The following SRCAP variants were observed in gnomAD, a reference collection of about 807,000 sequenced individuals.
SRCAP encodes Snf2 related CREBBP activator protein.
Under a neutral mutation model 263.1 loss-of-function variants are expected in SRCAP, and 46 were observed. The ratio of observed to expected loss-of-function variants is 0.17; its 90% confidence interval spans 0.14 to 0.22. SRCAP has a LOEUF of 0.22. Ranked by LOEUF, SRCAP falls within the 10% of genes least tolerant of loss-of-function variation. The probability of loss-of-function intolerance (pLI) is 1.00; values close to 1 mark genes in which losing one functional copy is unlikely to be tolerated. For synonymous variants in SRCAP, 1,813 were observed against 1,662.1 expected (o/e 1.09, Z -2.21); for missense variants, 3,695 against 4,181.9 (o/e 0.88, Z 3.21).
Position 30,738,638 on chromosome 16 carries a change from G to T in SRCAP, c.8598G>T (p.Lys2866Asn). ...VKRRRGRPPK[K>N]NRSPADAGRG... ...GTCGGAGGGGGAGGCCCCCCAAGAA[G>T]AACAGGTCTCCAGCAGATGCTGGGA... is the stretch of plus-strand genomic sequence containing the variant. The change falls in exon 34 of 34, where the codon AAG becomes AAT. Residue 2866 changes from lysine to asparagine, a missense_variant. Lys to Asn is a moderately conservative substitution (Grantham distance 94, BLOSUM62 0). Around this residue, in one of 12 missense-constraint regions of SRCAP, gnomAD observed 1,207 missense variants for 1,142.9 expected, o/e 1.06. Coordinates refer to ENST00000262518, the MANE Select transcript of SRCAP (RefSeq NM_006662.3). The T allele has an allele frequency of 1.2e-6, 2 of 1,608,698 alleles. No homozygotes were observed. Among genetic ancestry groups the T allele is most frequent in the Non-Finnish European group, 1.7e-6 (2 of 1,177,530 alleles).
At chr16:30,729,298 C>A in intron 26 of SRCAP, 67 bp downstream of exon 26, 1 of 1,603,392 alleles carries the variant, frequency 6.2e-7, no homozygotes, top group South Asian at 1.1e-5. Context: ...GTGCTTAGGG[C>A]TGGTGAAGGT....
chr16:30,708,737 C>G (rs2052854790), intron 6 of SRCAP, among the ~76,000 whole-genome samples: 1 of 152,168 alleles, frequency 6.6e-6, no homozygotes, highest in East Asian at 1.9e-4. Flanking sequence ...TGTTACATAC[C>G]AAGCTGATCT....
chr16:30,733,829 C>A lies in SRCAP; in HGVS notation c.6494+31C>A, dbSNP rs746280301. 21 of 1,611,380 alleles carry A rather than the reference C, an allele frequency of 1.3e-5. No individual in the cohort carries two copies. The Admixed American group carries it at 3.2e-4, about 24-fold the overall frequency. On this transcript the variant is annotated intron_variant, in intron 29 of 33. Transcript: ENST00000262518. The surrounding 1 kb of genome is among the most constrained non-coding windows in gnomAD (Gnocchi z 5.3). ...GCCTAGTCTTCCCTCACCTTACTTT[C>A]CGTTTACTGATGGGGTTTCCTGGAT...
chr16:30,737,098 T>A lies in SRCAP; in HGVS notation c.7058T>A (p.Val2353Glu). 6.2e-7 allele frequency: 1 copy of A among 1,610,164 alleles called. No individual in the cohort carries two copies. The highest frequency in any genetic ancestry group is 8.5e-7 in the Non-Finnish European group (1 of 1,177,810). Residue 2353 changes from valine to glutamate, a missense_variant, in exon 34 of 34, where the codon GTG (valine) becomes GAG (glutamate). By Grantham distance (121) the Val-to-Glu change is moderately radical. This residue lies in a region of SRCAP where 91 missense variants were observed against 150.6 expected (regional missense o/e 0.60). Transcript: ENST00000262518. The stretch of plus-strand genomic sequence containing the variant: ...GACCTGGACCAAGCCAAGGAGGAGG[T>A]GTTCCGCCTACCCCAAGAGGAGGAG... ...RKDLDQAKEE[V>E]FRLPQEEEEG...
chr16:30,719,771 C>G (rs2052991919), intron 18 of SRCAP, among the ~76,000 whole-genome samples: 1 of 152,206 alleles, frequency 6.6e-6, no homozygotes, highest in Non-Finnish European at 1.5e-5. Flanking sequence ...ATCTTGGCCT[C>G]CCAGAGAGCT....
At position 30,725,321 on chromosome 16, in the gene SRCAP, T is replaced by A. The variant is rs185220385; in HGVS notation, c.5658+239T>A. On this transcript the variant is annotated intron_variant, in intron 25 of 33. Transcript: ENST00000262518. The stretch of plus-strand genomic sequence containing the variant: ...CAGGGGTGAGCCACCACGCCCGGCC[T>A]CTTTTCCCGTTTTTTAACCCGCACG... 4.5e-5 allele frequency: 32 copies of A among 717,460 alleles called. No homozygotes were observed. In the African/African-American group the frequency reaches 5.1e-4, roughly 11 times the overall value. 44.4% of individuals were successfully genotyped at this position (717,460 alleles called of 1,614,324 possible).
rs934140464 is a variant in SRCAP, at chr16:30,737,059, A to C, written c.7019A>C (p.Glu2340Ala). The C allele has an allele frequency of 6.3e-7, 1 of 1,587,694 alleles. No homozygotes were observed. The highest frequency in any genetic ancestry group is 1.3e-5 in the African/African-American group (1 of 74,384). ...ACCCTGTTGTTGTAGGAGCAAGTGG[A>C]AGCTGCCCGCAAAGACCTGGACCAA... Reference protein sequence around the residue: ...EELKQAEEQVEAARKDLDQAK... With the variant: ...EELKQAEEQVAAARKDLDQAK... Residue 2340 changes from glutamate (E) to alanine (A), a missense_variant, in exon 34 of 34, where the codon GAA (glutamate) becomes GCA (alanine). Coordinates refer to ENST00000262518, the MANE Select transcript of SRCAP (RefSeq NM_006662.3).
At position 30,711,679 on chromosome 16, in the gene SRCAP, A is replaced by C. The variant is rs754995128; in HGVS notation, c.1427A>C (p.Asp476Ala). The C allele has an allele frequency of 1.9e-6, 3 of 1,614,096 alleles. No homozygotes were observed. Among genetic ancestry groups the C allele is most frequent in the Non-Finnish European group, 2.5e-6 (3 of 1,180,012 alleles). Residue 476 changes from aspartate to alanine, a missense_variant, in exon 11 of 34, where the codon GAC becomes GCC. By Grantham distance (126) the Asp-to-Ala change is moderately radical (BLOSUM62 -2). Transcript: ENST00000262518. ...DEDEVDANSSDCEPEGPVEAE... is the reference protein window; with the variant it reads ...DEDEVDANSSACEPEGPVEAE... ...GATGAGGTTGATGCTAATAGCTCTG[A>C]CTGTGAACCAGAGGGGCCCGTGGAA...
Position 30,733,567 on chromosome 16 carries a change from C to T in SRCAP, c.6298-35C>T, listed in dbSNP as rs759986769. On this transcript the variant is annotated intron_variant, in intron 28 of 33. Coordinates refer to ENST00000262518, the MANE Select transcript of SRCAP (RefSeq NM_006662.3). This position sits in a 1 kb window ranked among gnomAD's most constrained non-coding sequence, Gnocchi z 5.3. ...TTTAGACCTGTTTTGGGGGATAAGT[C>T]TCCCAGTATCATCTTTTTTTCCCTT... 3.1e-6 allele frequency: 5 copies of T among 1,603,424 alleles called. No individual in the cohort carries two copies. The East Asian group carries it at 8.9e-5, about 29-fold the overall frequency.
At chr16:30,736,077 G>A in intron 31 of SRCAP, 123 bp from the exon 32 acceptor site, 1 of 1,159,608 alleles carries the variant, frequency 8.6e-7, no homozygotes, top group East Asian at 2.5e-5. Context: ...CTAGGAGGTT[G>A]TTGAGTTCTG....
chr16:30,724,844 C>A lies in SRCAP; in HGVS notation c.5420C>A (p.Ala1807Glu). Residue 1807 changes from alanine to glutamate, a missense_variant, in exon 25 of 34, where the codon GCG (alanine) becomes GAG (glutamate). Physicochemically the swap from Ala to Glu is moderately radical, Grantham distance 107 (BLOSUM62 -1). This residue lies in a region of SRCAP where 1,347 missense variants were observed against 1,304.4 expected (regional missense o/e 1.03). Coordinates refer to ENST00000262518, the MANE Select transcript of SRCAP (RefSeq NM_006662.3). ...GGCCCGGCCGCAGCTCAGACCTTGGCGCTGGCCCCAGCCTCCACACAGTCC... is the reference window on the plus strand; with the variant it reads ...GGCCCGGCCGCAGCTCAGACCTTGGAGCTGGCCCCAGCCTCCACACAGTCC... ...TLGPAAAQTL[A>E]LAPASTQSPA... is the part of the protein sequence containing the mutation. 1 of 1,614,016 alleles carries A rather than the reference C, an allele frequency of 6.2e-7. No individual in the cohort carries two copies. Among genetic ancestry groups the A allele is most frequent in the Non-Finnish European group, 8.5e-7 (1 of 1,179,924 alleles).
intron 25 of SRCAP, chr16:30,725,602 C>T (rs2053056668): frequency 6.5e-6 from 1 of 153,522 alleles, no homozygotes; most frequent in Non-Finnish European, 1.4e-5. Flanking sequence ...TCCACCAGTG[C>T]CATTGACTCC....
In SRCAP at chr16:30,710,136, C is replaced by T. The variant is rs754046169; in HGVS notation, c.1134+8C>T. The T allele has an allele frequency of 3.7e-6, 6 of 1,610,330 alleles. No homozygotes were observed. Among genetic ancestry groups the T allele is most frequent in the Non-Finnish European group, 5.1e-6 (6 of 1,177,570 alleles). On this transcript the variant is annotated splice_region_variant and intron_variant, in intron 8 of 33. Transcript: ENST00000262518. Reference sequence around the variant, plus strand: ...CCCCCTCAGGTGTTGGAGGTATAGGCAGAAGGAGCAGAGGGAGGGTTCAGA... The same window carrying T: ...CCCCCTCAGGTGTTGGAGGTATAGGTAGAAGGAGCAGAGGGAGGGTTCAGA...
Position 30,711,730 on chromosome 16 carries a change from G to T in SRCAP, c.1478G>T (p.Ser493Ile). 1 of 1,612,948 alleles carries T rather than the reference G, an allele frequency of 6.2e-7. No homozygotes were observed. The highest frequency in any genetic ancestry group is 8.5e-7 in the Non-Finnish European group (1 of 1,179,442). ...GCGGAAGAGCCTCCTCAGGAGGATA[G>T]TAGCAGTCAGTCAGGTGAATATGTG... ...VEAEEPPQED[S>I]SSQSDSVEDR... is the part of the protein sequence containing the mutation. The change falls in exon 11 of 34, where the codon AGT becomes ATT. Residue 493 changes from serine to isoleucine, a missense_variant. Coordinates refer to ENST00000262518, the MANE Select transcript of SRCAP (RefSeq NM_006662.3).
At chr16:30,715,634 T>TTTAC (rs1596650333) in intron 16 of SRCAP, among the ~76,000 whole-genome samples, 2 of 152,160 alleles carry the variant, frequency 1.3e-5, no homozygotes, top group East Asian at 3.9e-4. Flanking sequence ...TCTCTGTTCC[T>TTTAC]TTACTTCTTC....
At chr16:30,716,691 C>T (rs147864054) in intron 18 of SRCAP, among the ~76,000 whole-genome samples, 1 of 152,234 alleles carries the variant, frequency 6.6e-6, no homozygotes, top group East Asian at 1.9e-4. Context: ...GTAACCCCAT[C>T]GTAAATTGAG....
intron 27 of SRCAP, among the ~76,000 whole-genome samples, chr16:30,731,084 A>G (rs1366396667): frequency 6.6e-6 from 1 of 152,176 alleles, no homozygotes; most frequent in Non-Finnish European, 1.5e-5. Flanking sequence ...ACTCCAGGGT[A>G]TACACCAATC....
intron 6 of SRCAP, among the ~76,000 whole-genome samples, chr16:30,709,303 T>C (rs2052862368): frequency 1.3e-5 from 2 of 152,044 alleles, no homozygotes; most frequent in African/African-American, 2.4e-5. Context: ...ATTGCAAACC[T>C]TCCCTCCACC....
In SRCAP at chr16:30,737,614, C is replaced by G. The variant is rs762579377; in HGVS notation, c.7574C>G (p.Ser2525Cys). 6.2e-7 allele frequency: 1 copy of G among 1,614,090 alleles called. No homozygotes were observed. The highest frequency in any genetic ancestry group is 8.5e-7 in the Non-Finnish European group (1 of 1,180,020). ...PAQTCLVTPS[S>C]PLLLGPPSVP... Reference sequence around the variant, plus strand: ...CAAACCTGTCTTGTAACTCCTTCCTCTCCTCTCTTGCTTGGTCCACCTTCT... The same window carrying G: ...CAAACCTGTCTTGTAACTCCTTCCTGTCCTCTCTTGCTTGGTCCACCTTCT... The change falls in exon 34 of 34, where the codon TCT becomes TGT. Residue 2525 changes from serine (S) to cysteine (C), a missense_variant. This residue lies in a region of SRCAP where 1,207 missense variants were observed against 1,142.9 expected (regional missense o/e 1.06). Coordinates refer to ENST00000262518, the MANE Select transcript of SRCAP (RefSeq NM_006662.3).
Sources: allele counts gnomAD v4.1 joint callset (sites outside exome capture counted in the v4.1 genomes callset), GRCh38; gene constraint gnomAD v4.1.1; regional missense constraint gnomAD v4.1.1; non-coding constraint Gnocchi (gnomAD v3.1); transcripts MANE v1.5; gene names NCBI Gene and HGNC (gene_info 2026-07-23, HGNC 2026-07-21).